Variants in RTN1 observed in about 807,000 individuals in gnomAD.
The protein encoded by RTN1 is reticulon 1.
In RTN1, 25 loss-of-function variants were observed where a neutral mutation model predicts 65.5. The observed-to-expected ratio is 0.38, with a 90% CI of 0.28 to 0.53. RTN1 has a LOEUF of 0.53. Among genes scored for constraint, RTN1 ranks in the 20% least tolerant of loss-of-function variants. The pLI is 0.79. For synonymous variants in RTN1, 471 were observed against 447.6 expected, an observed-to-expected ratio of 1.05 and a Z score of -0.66; for missense variants, 983 against 1,025.4, an observed-to-expected ratio of 0.96 and a Z score of 0.57.
intron 1 of RTN1, among the ~76,000 whole-genome samples, chr14:59,784,477 TC>T: frequency 6.6e-6 from 1 of 152,248 alleles, no homozygotes; most frequent in South Asian, 2.1e-4. Context: ...TATCATTTTT[TC>T]AACTTTAATT....
At chr14:59,786,663 CAA>C (rs1183892047) in intron 1 of RTN1, among the ~76,000 whole-genome samples, 4 of 152,044 alleles carry the variant, frequency 2.6e-5, no homozygotes, top group African/African-American at 7.2e-5. Flanking sequence ...AGGAAAAAGA[CAA>C]AGAGGCAAAA....
chr14:59,746,045 G>C lies in RTN1; in HGVS notation c.678C>G (p.Asp226Glu). The change falls in exon 2 of 9, where the codon GAC (aspartate) becomes GAG (glutamate). Residue 226 changes from aspartate (D) to glutamate (E), a missense_variant. Asp to Glu is a conservative substitution (Grantham distance 45, BLOSUM62 2). Around this residue, in one of 2 missense-constraint regions of RTN1, gnomAD observed 818 missense variants for 801.8 expected, o/e 1.02. Coordinates refer to ENST00000267484, the MANE Select transcript of RTN1 (RefSeq NM_021136.3). ...CTTCAGGTTTAATTGAGATGTCAGT[G>C]TCTTTATTCTTAAAGTCCAAGTCTT... Reference protein sequence around the residue: ...EDKDLDFKNKDTDISIKPEGV... With the variant: ...EDKDLDFKNKETDISIKPEGV... 6.2e-7 allele frequency: 1 copy of C among 1,614,148 alleles called. No homozygotes were observed. Among genetic ancestry groups the C allele is most frequent in the Non-Finnish European group, 8.5e-7 (1 of 1,180,014 alleles).
chr14:59,609,080 T>C (rs1054814187), intron 3 of RTN1, among the ~76,000 whole-genome samples: 3 of 151,750 alleles, frequency 2.0e-5, no homozygotes, highest in Non-Finnish European at 4.4e-5. Context: ...AGGTCAGGAG[T>C]TCGAGACCAG....
chr14:59,750,232 A>ATATTATATATATTATATCTATAATATAT (rs1172395475), intron 1 of RTN1, among the ~76,000 whole-genome samples: 1 of 27,266 alleles, frequency 3.7e-5, no homozygotes, highest in Non-Finnish European at 6.5e-5. Flanking sequence ...TATCTATAAT[A>ATATTATATATATTATATCTATAATATAT]TATATATTAT....
At chr14:59,821,123 T>C (rs1295905452) in intron 1 of RTN1, among the ~76,000 whole-genome samples, 3 of 152,230 alleles carry the variant, frequency 2.0e-5, no homozygotes, top group African/African-American at 7.2e-5. Flanking sequence ...TTTAACAACA[T>C]TGATTCTTCC....
intron 3 of RTN1, among the ~76,000 whole-genome samples, chr14:59,668,419 T>G (rs903184291): frequency 1.6e-4 from 24 of 152,102 alleles, no homozygotes; most frequent in African/African-American, 5.1e-4. Context: ...GCTGAAACTG[T>G]ATCCCTTCCT....
intron 3 of RTN1, among the ~76,000 whole-genome samples, chr14:59,706,824 T>C (rs1213152684): frequency 1.3e-5 from 2 of 152,236 alleles, no homozygotes; most frequent in Non-Finnish European, 2.9e-5. Flanking sequence ...TTCTCCCTCC[T>C]CTGAAATCCA....
intron 3 of RTN1, among the ~76,000 whole-genome samples, chr14:59,706,553 T>A (rs555850186): frequency 1.3e-5 from 2 of 150,124 alleles, no homozygotes; most frequent in Non-Finnish European, 3.0e-5. Context: ...GTAACTCACA[T>A]GCAGTAGTTG....
chr14:59,750,111 T>TATATTATAG (rs1885423354), intron 1 of RTN1, among the ~76,000 whole-genome samples: 1 of 65,250 alleles, frequency 1.5e-5, no homozygotes, highest in African/African-American at 8.1e-5. Flanking sequence ...TTATATATTA[T>TATATTATAG]ATATAATATA....
At chr14:59,698,482 AGG>A (rs1884109933) in intron 3 of RTN1, among the ~76,000 whole-genome samples, 1 of 152,058 alleles carries the variant, frequency 6.6e-6, no homozygotes, top group African/African-American at 2.4e-5. Context: ...GTGTTGTGGG[AGG>A]GACATGGTGG....
intron 3 of RTN1, among the ~76,000 whole-genome samples, chr14:59,618,750 G>A (rs910043830): frequency 3.9e-5 from 6 of 152,172 alleles, no homozygotes; most frequent in Non-Finnish European, 7.3e-5. Flanking sequence ...CAAAAGTTAT[G>A]TAAAATTAGT....
At chr14:59,777,173 C>T (rs1014623330) in intron 1 of RTN1, among the ~76,000 whole-genome samples, 12 of 152,032 alleles carry the variant, frequency 7.9e-5, no homozygotes, top group South Asian at 2.1e-4. Flanking sequence ...GTCTTTGGTC[C>T]GATACCGTGT....
chr14:59,685,467 A>G (rs138236688), intron 3 of RTN1, among the ~76,000 whole-genome samples: 1 of 152,368 alleles, frequency 6.6e-6, no homozygotes, highest in African/African-American at 2.4e-5. Context: ...TGAATTTAGT[A>G]AAGTTGCAGG....
chr14:59,733,476 G>A (rs1884943793), intron 2 of RTN1, among the ~76,000 whole-genome samples: 1 of 151,626 alleles, frequency 6.6e-6, no homozygotes, highest in Admixed American at 6.6e-5. Context: ...CACATCTGCT[G>A]GCACATATTA....
At chr14:59,648,454 A>T (rs1373376830) in intron 3 of RTN1, among the ~76,000 whole-genome samples, 1 of 152,212 alleles carries the variant, frequency 6.6e-6, no homozygotes, top group Non-Finnish European at 1.5e-5. Context: ...GGCCAGCATC[A>T]TCCTGAAACC....
intron 1 of RTN1, among the ~76,000 whole-genome samples, chr14:59,800,461 C>T (rs556083797): frequency 6.6e-6 from 1 of 152,268 alleles, no homozygotes; most frequent in East Asian, 1.9e-4. Flanking sequence ...AGGGCAGTGG[C>T]ACGATCTCGG....
chr14:59,778,788 G>A (rs1289663489), intron 1 of RTN1, among the ~76,000 whole-genome samples: 1 of 152,160 alleles, frequency 6.6e-6, no homozygotes, highest in Non-Finnish European at 1.5e-5. Flanking sequence ...TGGGAGCAAA[G>A]GGATGGAAGA....
chr14:59,630,398 G>A (rs1882512983), intron 3 of RTN1: 3 of 1,611,626 alleles, frequency 1.9e-6, no homozygotes, highest in Non-Finnish European at 2.5e-6. Flanking sequence ...TCCAGGTCCC[G>A]GGTTTCCCGT....
chr14:59,603,026 G>A (rs1230295849), intron 8 of RTN1, 39 bp downstream of exon 8: 151 of 1,554,290 alleles, frequency 9.7e-5, no homozygotes, highest in Non-Finnish European at 1.3e-4. Context: ...GCTGATGTAA[G>A]AGAGTCTCTC....
Sources: allele counts gnomAD v4.1 joint callset (sites outside exome capture counted in the v4.1 genomes callset), GRCh38; gene constraint gnomAD v4.1.1; regional missense constraint gnomAD v4.1.1; transcripts MANE v1.5; gene names NCBI Gene and HGNC (gene_info 2026-07-23, HGNC 2026-07-21).